REPS1: variants seen among roughly 807,000 people sequenced by gnomAD.
REPS1 encodes RALBP1 associated Eps domain containing 1.
REPS1 carries 39 observed loss-of-function variants against 100.9 expected under a neutral mutation model. That is an observed-to-expected ratio of 0.39 (90% confidence interval 0.30 to 0.50). The LOEUF (loss-of-function observed/expected upper bound fraction) is 0.50, where lower values mean the gene tolerates loss of function less well. REPS1 is among the 20% of genes least tolerant of loss of function. The probability of loss-of-function intolerance (pLI) is 0.86; values close to 1 mark genes in which losing one functional copy is unlikely to be tolerated. For missense variants in REPS1, 821 were observed against 968.5 expected, an observed-to-expected ratio of 0.85 and a Z score of 2.02; for synonymous variants, 324 against 340.3, an observed-to-expected ratio of 0.95 and a Z score of 0.53.
At chr6:138,983,768 T>C (rs1438956084) in intron 1 of REPS1, among the ~76,000 whole-genome samples, 1 of 152,140 alleles carries the variant, frequency 6.6e-6, no homozygotes, top group Non-Finnish European at 1.5e-5. Flanking sequence ...CCTAAACACT[T>C]AGGTGAGCAA....
At chr6:138,921,504 C>G (rs1780753516) in intron 10 of REPS1, among the ~76,000 whole-genome samples, 1 of 149,342 alleles carries the variant, frequency 6.7e-6, no homozygotes, top group Non-Finnish European at 1.5e-5. Context: ...AATATAAAAA[C>G]GATCTGGGCA....
At chr6:138,916,021 G>T in intron 13 of REPS1, 45 bp from the exon 14 acceptor site, 1 of 1,391,278 alleles carries the variant, frequency 7.2e-7, no homozygotes, top group South Asian at 1.2e-5. Context: ...ACTGATATCA[G>T]AGCTTTTTTC....
chr6:138,956,822 C>A (rs561667849), intron 1 of REPS1, among the ~76,000 whole-genome samples: 3 of 147,440 alleles, frequency 2.0e-5, no homozygotes, highest in South Asian at 2.1e-4. Context: ...AAAAAAAAAA[C>A]CACACAGAGG....
intron 19 of REPS1, among the ~76,000 whole-genome samples, 199 bp from the exon 20 acceptor site, chr6:138,905,331 C>A (rs1393263664): frequency 6.6e-6 from 1 of 152,218 alleles, no homozygotes; most frequent in Non-Finnish European, 1.5e-5. Flanking sequence ...GTCGCCCAGG[C>A]CGGACTGCGG....
chr6:138,947,034 TG>T (rs1782661215), intron 2 of REPS1, among the ~76,000 whole-genome samples: 2 of 61,412 alleles, frequency 3.3e-5, no homozygotes, highest in African/African-American at 1.6e-4. Context: ...TATTCCCCCT[TG>T]CTCTCTCTCT....
rs1782561389 is a variant in REPS1 at position 138,945,592 on chromosome 6, C to T, written c.383G>A (p.Gly128Asp). The T allele has an allele frequency of 6.2e-7, 1 of 1,613,716 alleles. No individual in the cohort carries two copies. Among genetic ancestry groups the T allele is most frequent in the East Asian group, 2.2e-5 (1 of 44,860 alleles). Residue 128 changes from glycine to aspartate, a missense_variant, in exon 3 of 20, where the codon GGT becomes GAT. Around this residue, in one of 3 missense-constraint regions of REPS1, gnomAD observed 757 missense variants for 866.4 expected, o/e 0.87. Coordinates refer to ENST00000450536, the MANE Select transcript of REPS1 (RefSeq NM_001286611.2). ...SDSENQGSYS[G>D]VIPPPPGRGQ... The stretch of plus-strand genomic sequence containing the variant: ...CCTGCCAGGTGGTGGGGGAATTACA[C>T]CAGAATACGACCCTTGATTTTCAGA...
Position 138,917,587 on chromosome 6 carries a change from T to C in REPS1, c.1569A>G (p.Pro523=). ...YSSSDSFTSD[P]EQIGSNVTRQ... is the part of the protein sequence containing the mutation. ...GAGTTACATTGCTCCCGATCTGTTC[T>C]GGGTCAGAAGTAAAAGAGTCTGAAC... The change falls in exon 13 of 20, where the codon CCA becomes CCG. Residue 523 remains proline (P), a synonymous_variant. Transcript: ENST00000450536. 3.1e-6 allele frequency: 5 copies of C among 1,613,764 alleles called. No homozygotes were observed. Among genetic ancestry groups the C allele is most frequent in the Non-Finnish European group, 3.4e-6 (4 of 1,179,788 alleles).
intron 15 of REPS1, among the ~76,000 whole-genome samples, chr6:138,913,625 C>T (rs892048406): frequency 5.3e-5 from 8 of 152,152 alleles, no homozygotes; most frequent in African/African-American, 1.9e-4. Flanking sequence ...GTAAAGGATA[C>T]TAAAGAAAGA....
chr6:138,944,101 T>G lies in REPS1; in HGVS notation c.754-86A>C, dbSNP rs1407584894. 2.4e-6 allele frequency: 3 copies of G among 1,269,226 alleles called. No homozygotes were observed. The East Asian group carries it at 7.0e-5, about 30-fold the overall frequency. 78.6% of individuals were successfully genotyped at this position (1,269,226 alleles called of 1,614,324 possible). On this transcript the variant is annotated intron_variant, in intron 5 of 19. Transcript: ENST00000450536. ...TTGCTAGGTTATTTATCTTTGAAAGTAAAACTTGCTTTTTGTGTATATTTA... is the reference window on the plus strand; with the variant it reads ...TTGCTAGGTTATTTATCTTTGAAAGGAAAACTTGCTTTTTGTGTATATTTA...
intron 12 of REPS1, among the ~76,000 whole-genome samples, chr6:138,918,456 C>T (rs1000927441): frequency 1.3e-5 from 2 of 152,100 alleles, no homozygotes; most frequent in Non-Finnish European, 2.9e-5. Flanking sequence ...TACAATTTCA[C>T]ATTAGATACA....
chr6:138,934,207 G>C (rs1781659492), intron 8 of REPS1: 1 of 388,974 alleles, frequency 2.6e-6, no homozygotes, highest in East Asian at 7.6e-5. Context: ...GGAGGCAGGG[G>C]TGTAGTTTTA....
At chr6:138,908,969 A>G in intron 17 of REPS1, 153 bp from the exon 18 acceptor site, 1 of 651,532 alleles carries the variant, frequency 1.5e-6, no homozygotes, top group East Asian at 2.9e-5. Flanking sequence ...GGCAAGAGCT[A>G]ACTTAAATTA....
chr6:138,987,603 T>C lies in REPS1; in HGVS notation c.80A>G (p.Lys27Arg). The stretch of plus-strand genomic sequence containing the variant: ...CACCCGCCCGTTGACCACCACCTTC[T>C]TGGTGCTCTCAATGTCGCAGTAGGA... ...LFSYCDIESTKKVVVNGRVLE... is the reference protein window; with the variant it reads ...LFSYCDIESTRKVVVNGRVLE... Residue 27 changes from lysine (K) to arginine (R), a missense_variant, in exon 1 of 20, where the codon AAG becomes AGG. By Grantham distance (26) the Lys-to-Arg change is conservative. Around this residue, in one of 3 missense-constraint regions of REPS1, gnomAD observed 36 missense variants for 36.7 expected, o/e 0.98. Transcript: ENST00000450536. 6.4e-7 allele frequency: 1 copy of C among 1,551,142 alleles called. No individual in the cohort carries two copies.
At chr6:138,940,355 T>C (rs987946108) in intron 8 of REPS1, among the ~76,000 whole-genome samples, 1 of 152,244 alleles carries the variant, frequency 6.6e-6, no homozygotes, top group African/African-American at 2.4e-5. Context: ...TTATTTTAAT[T>C]AGGCTCATTA....
intron 1 of REPS1, among the ~76,000 whole-genome samples, chr6:138,968,265 C>G (rs1056795564): frequency 3.3e-5 from 5 of 152,158 alleles, no homozygotes; most frequent in African/African-American, 1.2e-4. Flanking sequence ...GGATTTTAAG[C>G]TGACTAAATG....
chr6:138,949,088 C>A (rs190171392), intron 1 of REPS1, among the ~76,000 whole-genome samples: 11 of 152,304 alleles, frequency 7.2e-5, no homozygotes, highest in African/African-American at 2.6e-4. Context: ...AGCCCCAATC[C>A]TCTACTCTTC....
Position 138,987,596 on chromosome 6 carries a change from C to G in REPS1, c.87G>C (p.Val29=), listed in dbSNP as rs1201390399. ...SYCDIESTKK[V]VVNGRVLELF... Reference sequence around the variant, plus strand: ...GCTCCAGCACCCGCCCGTTGACCACCACCTTCTTGGTGCTCTCAATGTCGC... The same window carrying G: ...GCTCCAGCACCCGCCCGTTGACCACGACCTTCTTGGTGCTCTCAATGTCGC... Residue 29 remains valine, a synonymous_variant, in exon 1 of 20, where the codon GTG becomes GTC. Transcript: ENST00000450536. 2.6e-6 allele frequency: 4 copies of G among 1,551,136 alleles called. No individual in the cohort carries two copies. Among genetic ancestry groups the G allele is most frequent in the Non-Finnish European group, 8.7e-7 (1 of 1,146,708 alleles).
chr6:138,980,762 A>G (rs1209490246), intron 1 of REPS1, among the ~76,000 whole-genome samples: 2 of 136,552 alleles, frequency 1.5e-5, no homozygotes, highest in African/African-American at 5.7e-5. Context: ...ACTATGTCTC[A>G]TTGCAGCCTC....
chr6:138,946,797 T>C (rs1228002484), intron 2 of REPS1, among the ~76,000 whole-genome samples: 1 of 152,228 alleles, frequency 6.6e-6, no homozygotes, highest in Non-Finnish European at 1.5e-5. Context: ...TGCCTTTCTT[T>C]ATAGAATTTC....
Sources: gnomAD v4.1 joint callset for allele counts (sites outside exome capture counted in the v4.1 genomes callset) on GRCh38, gnomAD v4.1.1 for gene constraint, gnomAD v4.1.1 regional missense constraint, MANE v1.5 for transcripts, NCBI Gene and HGNC (gene_info 2026-07-23, HGNC 2026-07-21) for gene names.